The following MCPH1 variants were observed in gnomAD, a reference collection of about 807,000 sequenced individuals.
MCPH1 encodes microcephalin 1, also known as microcephalin.
MCPH1 carries 104 observed loss-of-function variants against 84.5 expected under a neutral mutation model. The observed-to-expected ratio is 1.23, with a 90% CI of 1.05 to 1.45. MCPH1 has a LOEUF of 1.45. Ranked by LOEUF, MCPH1 falls within the 40% of genes most tolerant of loss-of-function variation. The probability of loss-of-function intolerance (pLI) is 0.00; values close to 1 mark genes in which losing one functional copy is unlikely to be tolerated. For synonymous variants in MCPH1, 514 were observed against 366.8 expected, an observed-to-expected ratio of 1.40 and a Z score of -4.58; for missense variants, 1,498 against 1,005.7, an observed-to-expected ratio of 1.49 and a Z score of -6.62.
chr8:6,456,018 C>A (rs957891214), intron 9 of MCPH1, among the ~76,000 whole-genome samples: 4 of 152,114 alleles, frequency 2.6e-5, no homozygotes, highest in African/African-American at 9.7e-5. Context: ...TGCATTTGAC[C>A]TGCGGAAGAG....
chr8:6,500,974 T>C (rs539798422), intron 12 of MCPH1: 1 of 152,354 alleles, frequency 6.6e-6, no homozygotes, highest in African/African-American at 2.4e-5. Context: ...CATTGAGATA[T>C]CCTAGAAACT....
chr8:6,544,361 G>C (rs559138384), intron 12 of MCPH1, among the ~76,000 whole-genome samples: 1 of 152,238 alleles, frequency 6.6e-6, no homozygotes. Context: ...GACTGTGCTG[G>C]AAAGAGAGAC....
chr8:6,554,129 G>C (rs1406155205), intron 12 of MCPH1, among the ~76,000 whole-genome samples: 3 of 149,288 alleles, frequency 2.0e-5, no homozygotes, highest in African/African-American at 7.5e-5. Flanking sequence ...GTAGCCTTGT[G>C]ATAAGACCCA....
intron 8 of MCPH1, among the ~76,000 whole-genome samples, chr8:6,449,494 G>A (rs570332075): frequency 5.5e-4 from 83 of 152,260 alleles, no homozygotes; most frequent in African/African-American, 1.9e-3. Flanking sequence ...TTAGCCAGGC[G>A]TGGTGGCACA....
At chr8:6,553,539 C>G (rs942992913) in intron 12 of MCPH1, among the ~76,000 whole-genome samples, 2 of 152,168 alleles carry the variant, frequency 1.3e-5, no homozygotes, top group Admixed American at 6.5e-5. Flanking sequence ...CAAGATACCT[C>G]TTATTTTGGT....
At chr8:6,497,505 A>AC (rs1811377616) in intron 11 of MCPH1, among the ~76,000 whole-genome samples, 2 of 152,044 alleles carry the variant, frequency 1.3e-5, no homozygotes. Context: ...GTCTAAAAAA[A>AC]ATAGAAAAGG....
intron 12 of MCPH1, among the ~76,000 whole-genome samples, chr8:6,555,311 C>T (rs750229416): frequency 4.1e-4 from 63 of 152,176 alleles, no homozygotes; most frequent in South Asian, 6.2e-4. Flanking sequence ...TGAATTTCGT[C>T]GTCCTGCCTT....
At chr8:6,503,839 G>A (rs1736010052) in intron 12 of MCPH1, among the ~76,000 whole-genome samples, 1 of 152,170 alleles carries the variant, frequency 6.6e-6, no homozygotes, top group South Asian at 2.1e-4. Context: ...TCCAGCACAG[G>A]GGCTGTGGGA....
chr8:6,428,017 C>G (rs949990626), intron 3 of MCPH1, among the ~76,000 whole-genome samples: 2 of 151,622 alleles, frequency 1.3e-5, no homozygotes, highest in African/African-American at 2.4e-5. Flanking sequence ...GGCCTTGAAC[C>G]ACTGACCTCC....
At chr8:6,576,236 C>G (rs1365040183) in intron 12 of MCPH1, among the ~76,000 whole-genome samples, 1 of 152,070 alleles carries the variant, frequency 6.6e-6, no homozygotes, top group Non-Finnish European at 1.5e-5. Context: ...AAAAGTGTTT[C>G]CTAGAAGTAC....
chr8:6,574,311 G>A (rs1054240942), intron 12 of MCPH1, among the ~76,000 whole-genome samples: 6 of 152,156 alleles, frequency 3.9e-5, no homozygotes, highest in African/African-American at 1.4e-4. Flanking sequence ...CTAGCTTCTG[G>A]TGTTGCTGGC....
chr8:6,471,344 C>G (rs1807690416), intron 9 of MCPH1, among the ~76,000 whole-genome samples: 1 of 152,122 alleles, frequency 6.6e-6, no homozygotes, highest in Non-Finnish European at 1.5e-5. Context: ...GTCCTGGTAA[C>G]TAGGAAGATG....
In MCPH1 at chr8:6,491,888, T is replaced by G. The variant is rs1810636517; in HGVS notation, c.2137-7964T>G. Reference sequence around the variant, plus strand: ...ATCCAGTCTATCATTGTTGGACATTTGGGTTGGTTCCAAGTCTTTGCTATT... The same window carrying G: ...ATCCAGTCTATCATTGTTGGACATTGGGGTTGGTTCCAAGTCTTTGCTATT... On this transcript the variant is annotated intron_variant, in intron 11 of 13. Transcript: ENST00000344683. Among the ~76,000 whole-genome samples, 3 of 152,214 alleles carry G rather than the reference T, an allele frequency of 2.0e-5. No individual in the cohort carries two copies. The South Asian group carries it at 6.2e-4, about 31-fold the overall frequency.
intron 12 of MCPH1, among the ~76,000 whole-genome samples, chr8:6,522,698 CGGGA>C (rs1817592851): frequency 6.6e-6 from 1 of 151,154 alleles, no homozygotes; most frequent in South Asian, 2.1e-4. Context: ...TGCTTGAACC[CGGGA>C]GGTGGAGGTT....
chr8:6,477,020 G>A (rs1808553118), intron 9 of MCPH1, among the ~76,000 whole-genome samples: 1 of 150,968 alleles, frequency 6.6e-6, no homozygotes, highest in South Asian at 2.1e-4. Flanking sequence ...AAGTCAGCGT[G>A]CATTTCTTAG....
At chr8:6,548,182 G>C (rs1019293291) in intron 12 of MCPH1, among the ~76,000 whole-genome samples, 4 of 152,140 alleles carry the variant, frequency 2.6e-5, no homozygotes, top group African/African-American at 9.7e-5. Context: ...GGAGTGGCTT[G>C]AGGCGGCACG....
intron 12 of MCPH1, among the ~76,000 whole-genome samples, chr8:6,566,666 G>C (rs529173320): frequency 6.6e-6 from 1 of 151,910 alleles, no homozygotes; most frequent in East Asian, 1.9e-4. Context: ...CGGTGACCCT[G>C]TGTGATTGGC....
At chr8:6,408,084 G>A (rs1392354589) in intron 1 of MCPH1, among the ~76,000 whole-genome samples, 2 of 152,174 alleles carry the variant, frequency 1.3e-5, no homozygotes, top group African/African-American at 4.8e-5. Context: ...ACAGAAAATA[G>A]GTTTCTGCAC....
intron 12 of MCPH1, chr8:6,532,458 C>G: frequency 6.2e-7 from 1 of 1,613,390 alleles, no homozygotes; most frequent in Non-Finnish European, 8.5e-7. Flanking sequence ...CCATTTCTTT[C>G]TTCATGTTGT....
Sources: allele counts gnomAD v4.1 joint callset (sites outside exome capture counted in the v4.1 genomes callset), GRCh38; gene constraint gnomAD v4.1.1; transcripts MANE v1.5; gene names NCBI Gene and HGNC (gene_info 2026-07-23, HGNC 2026-07-21).